Variants in PTPRD observed in about 807,000 individuals in gnomAD.
PTPRD encodes the protein protein tyrosine phosphatase receptor type D, also known as receptor-type tyrosine-protein phosphatase delta.
In PTPRD, 34 loss-of-function variants were observed where a neutral mutation model predicts 214.5. The ratio of observed to expected loss-of-function variants is 0.16; its 90% CI spans 0.12 to 0.21. PTPRD has a LOEUF of 0.21. Among genes scored for constraint, PTPRD ranks in the 10% least tolerant of loss-of-function variants. The pLI, the probability that PTPRD is intolerant of heterozygous loss-of-function variation, is 1.00. For synonymous variants in PTPRD, 1,128 were observed against 845.7 expected, an observed-to-expected ratio of 1.33 and a Z score of -5.79; for missense variants, 2,545 against 2,398.7, an observed-to-expected ratio of 1.06 and a Z score of -1.27.
intron 11 of PTPRD, among the ~76,000 whole-genome samples, chr9:8,799,144 T>A (rs1001958542): frequency 6.6e-6 from 1 of 152,214 alleles, no homozygotes; most frequent in Non-Finnish European, 1.5e-5. Context: ...CAGGTATCTA[T>A]AAGAAACTTC....
At chr9:9,725,038 C>A (rs1187958586) in intron 7 of PTPRD, among the ~76,000 whole-genome samples, 2 of 152,140 alleles carry the variant, frequency 1.3e-5, no homozygotes, top group East Asian at 3.9e-4. Flanking sequence ...AGGAAGATTT[C>A]AGACTGCATA....
At chr9:8,398,457 T>A (rs1423370748) in intron 36 of PTPRD, among the ~76,000 whole-genome samples, 1 of 152,132 alleles carries the variant, frequency 6.6e-6, no homozygotes, top group Non-Finnish European at 1.5e-5. Context: ...AATAAATATA[T>A]TTATGTTTTG....
chr9:8,750,683 C>T (rs527332077), intron 11 of PTPRD, among the ~76,000 whole-genome samples: 1 of 152,226 alleles, frequency 6.6e-6, no homozygotes, highest in Admixed American at 6.5e-5. Flanking sequence ...AGGGCAGAGG[C>T]TGGGATGCAG....
chr9:8,897,556 C>T (rs1566894386), intron 11 of PTPRD, among the ~76,000 whole-genome samples: 1 of 152,170 alleles, frequency 6.6e-6, no homozygotes, highest in East Asian at 1.9e-4. Flanking sequence ...AGAGGGCCTT[C>T]GCCATGAGCT....
intron 2 of PTPRD, among the ~76,000 whole-genome samples, chr9:10,526,493 T>TA (rs2054333076): frequency 6.6e-6 from 1 of 152,046 alleles, no homozygotes; most frequent in African/African-American, 2.4e-5. Flanking sequence ...GTACATGTTT[T>TA]AAAAAATTAT....
chr9:9,967,692 C>T (rs954909236), intron 4 of PTPRD, among the ~76,000 whole-genome samples: 4 of 152,070 alleles, frequency 2.6e-5, no homozygotes, highest in African/African-American at 7.2e-5. Flanking sequence ...TTAAGCATCC[C>T]ATGGGGTTGG....
At chr9:8,858,990 G>T (rs538086611) in intron 11 of PTPRD, among the ~76,000 whole-genome samples, 8 of 152,158 alleles carry the variant, frequency 5.3e-5, no homozygotes, top group Non-Finnish European at 1.5e-5. Context: ...GCGTCCCAGC[G>T]CAAAGGAGGA....
intron 11 of PTPRD, among the ~76,000 whole-genome samples, chr9:8,746,141 G>A (rs2092773522): frequency 6.6e-6 from 1 of 151,874 alleles, no homozygotes. Context: ...AAGGACATAT[G>A]TTGAGTAATT....
intron 11 of PTPRD, among the ~76,000 whole-genome samples, chr9:8,825,389 T>A (rs2097155173): frequency 6.6e-6 from 1 of 152,230 alleles, no homozygotes; most frequent in African/African-American, 2.4e-5. Context: ...ATTGCACTCA[T>A]GTAAATAACT....
At chr9:9,851,414 G>C (rs2060523276) in intron 5 of PTPRD, among the ~76,000 whole-genome samples, 1 of 152,152 alleles carries the variant, frequency 6.6e-6, no homozygotes, top group African/African-American at 2.4e-5. Flanking sequence ...ATATCTTCTA[G>C]AATGTACATT....
At chr9:9,937,539 T>A (rs2089990014) in intron 5 of PTPRD, among the ~76,000 whole-genome samples, 1 of 152,102 alleles carries the variant, frequency 6.6e-6, no homozygotes, top group Non-Finnish European at 1.5e-5. Context: ...TCTGTTTAAA[T>A]ATTTTCAGAT....
At chr9:8,489,036 A>C (rs1330554211) in intron 27 of PTPRD, among the ~76,000 whole-genome samples, 1 of 152,218 alleles carries the variant, frequency 6.6e-6, no homozygotes, top group Admixed American at 6.5e-5. Context: ...ATAAATAAAA[A>C]TAATTTTTTG....
chr9:9,811,008 C>T (rs146770862), intron 5 of PTPRD, among the ~76,000 whole-genome samples: 5 of 151,868 alleles, frequency 3.3e-5, no homozygotes, highest in East Asian at 1.9e-4. Context: ...GAGGCCTAGA[C>T]GGGAGAATCA....
chr9:9,196,927 C>G (rs1047605553), intron 9 of PTPRD, among the ~76,000 whole-genome samples: 2 of 152,094 alleles, frequency 1.3e-5, no homozygotes, highest in African/African-American at 4.8e-5. Flanking sequence ...CATGGAATAT[C>G]AATATCAGAC....
intron 10 of PTPRD, among the ~76,000 whole-genome samples, chr9:9,170,651 C>T (rs929165639): frequency 1.1e-4 from 16 of 152,180 alleles, no homozygotes; most frequent in African/African-American, 3.9e-4. Flanking sequence ...CACTGTTTCT[C>T]TGCTGTGGTT....
intron 2 of PTPRD, among the ~76,000 whole-genome samples, chr9:10,422,681 G>A (rs1477168252): frequency 6.6e-6 from 1 of 152,086 alleles, no homozygotes; most frequent in African/African-American, 2.4e-5. Context: ...AGACATTTAT[G>A]CTGCCAACAG....
At chr9:8,876,912 T>C (rs566966178) in intron 11 of PTPRD, among the ~76,000 whole-genome samples, 2 of 152,064 alleles carry the variant, frequency 1.3e-5, no homozygotes, top group Non-Finnish European at 2.9e-5. Flanking sequence ...TTTACCACCC[T>C]GTTTTTCTTT....
At chr9:8,356,174 T>C (rs1218730950) in intron 39 of PTPRD, among the ~76,000 whole-genome samples, 1 of 152,156 alleles carries the variant, frequency 6.6e-6, no homozygotes, top group Non-Finnish European at 1.5e-5. Context: ...AATTATCTTG[T>C]AATAAAACTC....
chr9:9,563,183 G>A (rs2083416227), intron 8 of PTPRD, among the ~76,000 whole-genome samples: 1 of 152,056 alleles, frequency 6.6e-6, no homozygotes, highest in South Asian at 2.1e-4. Flanking sequence ...GGCAAGGGGT[G>A]GTCAAGATAT....
Sources: allele counts gnomAD v4.1 joint callset (sites outside exome capture counted in the v4.1 genomes callset), GRCh38; gene constraint gnomAD v4.1.1; transcripts MANE v1.5; gene names NCBI Gene and HGNC (gene_info 2026-07-23, HGNC 2026-07-21).